KIRREL1: variants seen among roughly 807,000 people sequenced by gnomAD.
The protein encoded by KIRREL1 is kin of IRRE-like protein 1.
KIRREL1 carries 25 observed loss-of-function variants against 83.3 expected under a neutral mutation model. The ratio of observed to expected loss-of-function variants is 0.30; its 90% CI spans 0.22 to 0.42. KIRREL1 has a LOEUF of 0.42. Among genes scored for constraint, KIRREL1 ranks in the 10% least tolerant of loss-of-function variants. The pLI is 1.00. For missense variants in KIRREL1, 812 were observed against 1,032.3 expected, an observed-to-expected ratio of 0.79 and a Z score of 2.92; for synonymous variants, 388 against 410.4, an observed-to-expected ratio of 0.95 and a Z score of 0.66.
At chr1:158,027,906 A>G (rs912293007) in intron 1 of KIRREL1, among the ~76,000 whole-genome samples, 1 of 152,196 alleles carries the variant, frequency 6.6e-6, no homozygotes, top group African/African-American at 2.4e-5. Context: ...GGAAGAATTA[A>G]TAGGATTTCA....
Position 158,087,989 on chromosome 1 carries a change from G to C in KIRREL1, c.768-17G>C, listed in dbSNP as rs368959232. ...GTCTGAGGCCTGATCCCACCTCTGTGTTGCCTCCTCCCCTAGGTGGGCCAA... is the reference window on the plus strand; with the variant it reads ...GTCTGAGGCCTGATCCCACCTCTGTCTTGCCTCCTCCCCTAGGTGGGCCAA... On this transcript the variant is annotated splice_polypyrimidine_tract_variant and intron_variant, in intron 6 of 14. Transcript: ENST00000359209. 3.1e-5 allele frequency: 50 copies of C among 1,613,924 alleles called. No homozygotes were observed. The highest frequency in any genetic ancestry group is 5.0e-5 in the Admixed American group (3 of 60,002).
At chr1:158,077,930 T>A in intron 2 of KIRREL1, 61 bp from the exon 3 acceptor site, 2 of 1,587,880 alleles carry the variant, frequency 1.3e-6, no homozygotes, top group Non-Finnish European at 1.7e-6. Flanking sequence ...AGTACTGGTG[T>A]GGGATGGCTG....
intron 1 of KIRREL1, among the ~76,000 whole-genome samples, chr1:158,044,821 C>T (rs1469166389): frequency 6.6e-6 from 1 of 152,108 alleles, no homozygotes. Flanking sequence ...AAATCTCTAC[C>T]CTCATGGACC....
intron 1 of KIRREL1, among the ~76,000 whole-genome samples, chr1:158,041,163 A>G (rs1247529532): frequency 6.6e-6 from 1 of 152,210 alleles, no homozygotes; most frequent in Non-Finnish European, 1.5e-5. Context: ...AGGGAACACA[A>G]TAAACTGTGG....
intron 1 of KIRREL1, among the ~76,000 whole-genome samples, chr1:158,032,165 T>G (rs1557996307): frequency 6.6e-6 from 1 of 152,184 alleles, no homozygotes; most frequent in South Asian, 2.1e-4. Flanking sequence ...ATTAAGAATT[T>G]AATGTATGAT....
chr1:158,078,449 A>G (rs976208762), intron 3 of KIRREL1, among the ~76,000 whole-genome samples: 13 of 152,108 alleles, frequency 8.5e-5, no homozygotes, highest in African/African-American at 2.9e-4. Context: ...GCAGGGACGT[A>G]TGGAGTGATG....
At chr1:158,004,711 A>G (rs948869046) in intron 1 of KIRREL1, among the ~76,000 whole-genome samples, 1 of 152,178 alleles carries the variant, frequency 6.6e-6, no homozygotes, top group African/African-American at 2.4e-5. Context: ...TGGGAGGTCC[A>G]GGTGGGCGCA....
intron 1 of KIRREL1, among the ~76,000 whole-genome samples, chr1:158,009,861 T>TATCAC (rs1392060266): frequency 6.6e-6 from 1 of 152,192 alleles, no homozygotes; most frequent in Non-Finnish European, 1.5e-5. Context: ...GGGTTAAACA[T>TATCAC]ATCACATGGC....
At position 158,075,904 on chromosome 1, in the gene KIRREL1, A is replaced by G. The variant is rs140497761; in HGVS notation, c.53-209A>G. ...CTGAGCACTTCAGCTCCTGAAATCC[A>G]TTCCCATGGGTCTCAGAGGGAGGAA... On this transcript the variant is annotated intron_variant, in intron 1 of 14. Coordinates refer to ENST00000359209, the MANE Select transcript of KIRREL1 (RefSeq NM_018240.7). Among the ~76,000 whole-genome samples, 112 of 152,322 alleles carry G rather than the reference A, an allele frequency of 7.4e-4. 3 individuals carry two copies. In the East Asian group the frequency reaches 0.019, roughly 26 times the overall value.
At chr1:158,057,252 T>C (rs1661091284) in intron 1 of KIRREL1, among the ~76,000 whole-genome samples, 1 of 152,112 alleles carries the variant, frequency 6.6e-6, no homozygotes, top group Non-Finnish European at 1.5e-5. Context: ...GGATGGTCTC[T>C]GCAGGATGCC....
chr1:158,093,904 C>G, intron 13 of KIRREL1, 142 bp downstream of exon 13: 2 of 877,780 alleles, frequency 2.3e-6, no homozygotes, highest in Non-Finnish European at 3.5e-6. Flanking sequence ...CTCCCACACT[C>G]ACACACATTC....
At chr1:157,996,961 T>C (rs1659222957) in intron 1 of KIRREL1, among the ~76,000 whole-genome samples, 1 of 152,210 alleles carries the variant, frequency 6.6e-6, no homozygotes, top group African/African-American at 2.4e-5. Flanking sequence ...TGGTTGGTTG[T>C]TCTGGCTCTG....
rs1659770970 is a variant in KIRREL1 at position 158,014,493 on chromosome 1, T to TGTGG, written c.52+20765_52+20766insGTGG. On this transcript the variant is annotated intron_variant, in intron 1 of 14. Transcript: ENST00000359209. ...GCCTCCTTCCCGTCTTGCCTTCTTC[T>TGTGG]CCCACCCTTTACTCCTTCCCCTCAC... is the stretch of plus-strand genomic sequence containing the variant. Among the ~76,000 whole-genome samples the TGTGG allele has an allele frequency of 1.1e-4, 16 of 152,114 alleles. 1 individual carries two copies. The South Asian group carries it at 3.3e-3, about 32-fold the overall frequency.
chr1:158,061,932 G>A (rs1240510833), intron 1 of KIRREL1, among the ~76,000 whole-genome samples: 1 of 152,202 alleles, frequency 6.6e-6, no homozygotes, highest in Non-Finnish European at 1.5e-5. Flanking sequence ...ATGTGGACAA[G>A]TAGGTTGCTC....
chr1:158,091,612 CCTT>C (rs1485761968), intron 11 of KIRREL1, 56 bp downstream of exon 11: 66 of 1,546,928 alleles, frequency 4.3e-5, no homozygotes, highest in South Asian at 3.9e-4. Flanking sequence ...GGATTCTGCT[CCTT>C]CTTTTCTCCA....
At chr1:158,041,739 G>A (rs1386816014) in intron 1 of KIRREL1, among the ~76,000 whole-genome samples, 1 of 152,188 alleles carries the variant, frequency 6.6e-6, no homozygotes, top group African/African-American at 2.4e-5. Context: ...CCTACTGTGT[G>A]CGTGATGGTG....
intron 1 of KIRREL1, among the ~76,000 whole-genome samples, chr1:158,069,443 C>A (rs1661449627): frequency 6.6e-6 from 1 of 151,992 alleles, no homozygotes; most frequent in African/African-American, 2.4e-5. Context: ...CCGGTCTTTG[C>A]AGGAGCAGGA....
intron 1 of KIRREL1, among the ~76,000 whole-genome samples, chr1:158,043,528 ATAGT>A (rs1300693897): frequency 6.6e-6 from 1 of 152,158 alleles, no homozygotes; most frequent in East Asian, 1.9e-4. Context: ...GGGAACACTG[ATAGT>A]TCAGGGGAGT....
rs1267068085 is a variant in KIRREL1, at chr1:158,089,951, T to C, written c.1272+133T>C. ...TTCCATCCTCGAATCTTCTGCTTTC[T>C]GTCCCTCTGTCCCTTTACCTGCTCA... On this transcript the variant is annotated intron_variant, in intron 10 of 14. Transcript: ENST00000359209. 3 of 721,908 alleles carry C rather than the reference T, an allele frequency of 4.2e-6. No homozygotes were observed. The African/African-American group carries it at 5.2e-5, about 13-fold the overall frequency. 44.7% of individuals were successfully genotyped at this position (721,908 alleles called of 1,614,324 possible). A position where few individuals can be genotyped will look rare whatever the true frequency, so the allele number is the denominator to read the frequency against.
Sources: gnomAD v4.1 joint callset for allele counts (sites outside exome capture counted in the v4.1 genomes callset) on GRCh38, gnomAD v4.1.1 for gene constraint, MANE v1.5 for transcripts, NCBI Gene and HGNC (gene_info 2026-07-23, HGNC 2026-07-21) for gene names.